The following KIF3B variants were observed in gnomAD, a reference collection of about 807,000 sequenced individuals.
The protein encoded by KIF3B is kinesin-like protein KIF3B.
KIF3B carries 38 observed loss-of-function variants against 74.3 expected under a neutral mutation model. That is an observed-to-expected ratio of 0.51 (90% CI 0.39 to 0.67). The LOEUF is 0.67. Among genes scored for constraint, KIF3B ranks in the 30% least tolerant of loss-of-function variants. KIF3B has a pLI of 0.00. For missense variants in KIF3B, 649 were observed against 932.0 expected (o/e 0.70, Z 3.95); for synonymous variants, 326 against 342.5 (o/e 0.95, Z 0.53).
At chr20:32,300,285 A>T (rs188616623) in intron 1 of KIF3B, among the ~76,000 whole-genome samples, 129 of 148,194 alleles carry the variant, frequency 8.7e-4, no homozygotes, top group African/African-American at 3.1e-3. Flanking sequence ...TTAAATGTAA[A>T]TTTTTTTTTT....
intron 8 of KIF3B, 57 bp from the exon 9 acceptor site, chr20:32,331,166 A>C: frequency 8.0e-7 from 1 of 1,242,754 alleles, no homozygotes; most frequent in South Asian, 1.2e-5. Context: ...ATGACATCTG[A>C]TGTGTCAGGG....
intron 1 of KIF3B, among the ~76,000 whole-genome samples, chr20:32,304,075 T>C (rs1364030637): frequency 6.6e-6 from 1 of 152,158 alleles, no homozygotes; most frequent in East Asian, 1.9e-4. Flanking sequence ...AGAAGAATTA[T>C]ACCTATTTTT....
At chr20:32,280,489 T>C (rs2122649939) in intron 1 of KIF3B, among the ~76,000 whole-genome samples, 1 of 151,132 alleles carries the variant, frequency 6.6e-6, no homozygotes, top group East Asian at 1.9e-4. Context: ...CCAAGACGGG[T>C]GGATCACGAG....
chr20:32,329,257 G>A (rs1031607246), intron 7 of KIF3B, among the ~76,000 whole-genome samples: 4 of 152,144 alleles, frequency 2.6e-5, no homozygotes, highest in Admixed American at 2.0e-4. Context: ...TGGCCAGGCT[G>A]CTCTCGAACT....
rs2047860593 is a variant in KIF3B at position 32,321,682 on chromosome 20, C to T, written c.1748+4808C>T. On this transcript the variant is annotated intron_variant, in intron 5 of 8. Transcript: ENST00000375712. ...ACATACTTTGTTTTACTGCACTCTG[C>T]TTTGTTATAATTCACAGATATTACA... Among the ~76,000 whole-genome samples the T allele has an allele frequency of 7.2e-5, 11 of 152,032 alleles. No individual in the cohort carries two copies. The South Asian group carries it at 2.3e-3, about 32-fold the overall frequency.
At position 32,310,869 on chromosome 20, in the gene KIF3B, G is replaced by T. The variant is rs766320704; in HGVS notation, c.1092G>T (p.Arg364=). 1 of 1,613,950 alleles carries T rather than the reference G, an allele frequency of 6.2e-7. No individual in the cohort carries two copies. Among genetic ancestry groups the T allele is most frequent in the Non-Finnish European group, 8.5e-7 (1 of 1,179,998 alleles). ...GAGAATTCCAGGAAGAGATTGCTCG[G>T]CTCAAGGCCCAGCTGGAAAAACGGT... ...LLREFQEEIA[R]LKAQLEKRSI... is the part of the protein sequence containing the mutation. The change falls in exon 2 of 9, where the codon CGG becomes CGT. Residue 364 remains arginine, a synonymous_variant. Coordinates refer to ENST00000375712, the MANE Select transcript of KIF3B (RefSeq NM_004798.4). This position sits in a 1 kb window ranked among gnomAD's most constrained non-coding sequence, Gnocchi z 6.5.
In KIF3B at chr20:32,322,672, T is replaced by TTA. The variant is rs1187964687; in HGVS notation, c.1749-4093_1749-4092dup. Among the ~76,000 whole-genome samples, 28 of 38,528 alleles carry TTA rather than the reference T, an allele frequency of 7.3e-4. 3 individuals are homozygous for TTA. The highest frequency in any genetic ancestry group is 0.038 in the East Asian group (2 of 52). 25.3% of individuals were successfully genotyped at this position (38,528 alleles called of 152,430 possible). On this transcript the variant is annotated intron_variant, in intron 5 of 8. Transcript: ENST00000375712. ...TATTTTTATATATTTATATATATAT[T>TTA]TATATATTTATATATATTTATATAT...
rs148494820 is a variant in KIF3B, at chr20:32,310,724, A to G, written c.947A>G (p.Asn316Ser). 9 of 1,614,092 alleles carry G rather than the reference A, an allele frequency of 5.6e-6. No homozygotes were observed. Among genetic ancestry groups the G allele is most frequent in the Admixed American group, 1.7e-5 (1 of 59,998 alleles). The change falls in exon 2 of 9, where the codon AAC becomes AGC. Residue 316 changes from asparagine to serine, a missense_variant. Asn to Ser is a conservative substitution (Grantham distance 46). Coordinates refer to ENST00000375712, the MANE Select transcript of KIF3B (RefSeq NM_004798.4). The surrounding 1 kb of genome is among the most constrained non-coding windows in gnomAD (Gnocchi z 6.5). Reference sequence around the variant, plus strand: ...AATGCCAAGACTGTGATGGTGGCCAACGTGGGGCCTGCCTCTTACAACGTA... The same window carrying G: ...AATGCCAAGACTGTGATGGTGGCCAGCGTGGGGCCTGCCTCTTACAACGTA... ...GGNAKTVMVANVGPASYNVEE... is the reference protein window; with the variant it reads ...GGNAKTVMVASVGPASYNVEE...
rs909001582 is a variant in KIF3B at position 32,334,468 on chromosome 20, C to A, written c.*3149C>A. 1.3e-5 allele frequency: 2 copies of A among 152,608 alleles called. No individual in the cohort carries two copies. Among genetic ancestry groups the A allele is most frequent in the Non-Finnish European group, 2.9e-5 (2 of 68,050 alleles). 9.5% of individuals were successfully genotyped at this position (152,608 alleles called of 1,614,324 possible). A position where few individuals can be genotyped will look rare whatever the true frequency, so the allele number is the denominator to read the frequency against. The stretch of plus-strand genomic sequence containing the variant: ...AGTCCTCCCTCACTGAATGTAGAAT[C>A]GTTGCCAAGTTTCTGAGAAGTGTCG... On this transcript the variant is annotated 3_prime_UTR_variant, in exon 9 of 9. Coordinates refer to ENST00000375712, the MANE Select transcript of KIF3B (RefSeq NM_004798.4).
intron 7 of KIF3B, among the ~76,000 whole-genome samples, chr20:32,329,355 T>C (rs28558312): frequency 4.2e-4 from 47 of 110,972 alleles, no homozygotes; most frequent in African/African-American, 9.0e-4. Flanking sequence ...TTTTTCTTTT[T>C]TTTTTTTTTT....
intron 2 of KIF3B, among the ~76,000 whole-genome samples, chr20:32,313,153 C>T (rs1429474482): frequency 6.6e-6 from 1 of 152,132 alleles, no homozygotes; most frequent in Non-Finnish European, 1.5e-5. Flanking sequence ...AGTGCTGAGG[C>T]TCCCATTGTT....
chr20:32,322,073 C>G (rs1357922976), intron 5 of KIF3B, among the ~76,000 whole-genome samples: 1 of 152,086 alleles, frequency 6.6e-6, no homozygotes, highest in East Asian at 1.9e-4. Context: ...ATATTGATCA[C>G]ATTGAATCTG....
chr20:32,317,709 T>A (rs2047835308), intron 5 of KIF3B, among the ~76,000 whole-genome samples: 1 of 150,826 alleles, frequency 6.6e-6, no homozygotes, highest in Non-Finnish European at 1.5e-5. Context: ...ACAATCACAG[T>A]TCACAGCAGC....
At chr20:32,301,675 C>A (rs2122678946) in intron 1 of KIF3B, among the ~76,000 whole-genome samples, 1 of 152,226 alleles carries the variant, frequency 6.6e-6, no homozygotes, top group African/African-American at 2.4e-5. Context: ...CCATGCCAGG[C>A]CCATGTTGTT....
chr20:32,278,088 C>T (rs2047625146), intron 1 of KIF3B, among the ~76,000 whole-genome samples: 1 of 152,208 alleles, frequency 6.6e-6, no homozygotes. Context: ...CTGTGCTGGG[C>T]TTGCTGTGTG....
chr20:32,281,603 G>C (rs1286044961), intron 1 of KIF3B, among the ~76,000 whole-genome samples: 1 of 152,200 alleles, frequency 6.6e-6, no homozygotes, highest in East Asian at 1.9e-4. Flanking sequence ...TGTAGTCCCA[G>C]CTATTCAGGA....
intron 5 of KIF3B, among the ~76,000 whole-genome samples, chr20:32,322,795 T>C (rs1416861450): frequency 1.7e-5 from 1 of 60,502 alleles, no homozygotes; most frequent in East Asian, 1.4e-3. Flanking sequence ...TATATTTATA[T>C]ATATATTTAT....
chr20:32,280,730 A>G (rs986086538), intron 1 of KIF3B, among the ~76,000 whole-genome samples: 4 of 150,830 alleles, frequency 2.7e-5, no homozygotes, highest in Admixed American at 6.6e-5. Context: ...AAAAAAAAAA[A>G]AAAAAAAAAA....
intron 1 of KIF3B, among the ~76,000 whole-genome samples, chr20:32,282,681 C>T (rs2047649591): frequency 1.3e-5 from 2 of 152,184 alleles, no homozygotes; most frequent in African/African-American, 4.8e-5. Context: ...GACTCGGGAT[C>T]TTGGCTGAGG....
Sources: gnomAD v4.1 joint callset for allele counts (sites outside exome capture counted in the v4.1 genomes callset) on GRCh38, gnomAD v4.1.1 for gene constraint, Gnocchi (gnomAD v3.1) non-coding constraint, MANE v1.5 for transcripts, NCBI Gene and HGNC (gene_info 2026-07-23, HGNC 2026-07-21) for gene names.